Variants in TRIT1 observed in about 807,000 individuals in gnomAD.
The protein encoded by TRIT1 is tRNA isopentenyltransferase 1.
TRIT1 carries 43 observed loss-of-function variants against 51.2 expected under a neutral mutation model. The observed-to-expected ratio is 0.84, with a 90% CI of 0.66 to 1.08. The LOEUF is 1.08. TRIT1 is among the 50% of genes least tolerant of loss of function. TRIT1 has a pLI of 0.00. For missense variants in TRIT1, 528 were observed against 578.4 expected (o/e 0.91, Z 0.89); for synonymous variants, 184 against 203.9 (o/e 0.90, Z 0.83).
chr1:39,878,341 G>T (rs949694083), intron 1 of TRIT1, among the ~76,000 whole-genome samples: 1 of 152,172 alleles, frequency 6.6e-6, no homozygotes, highest in Non-Finnish European at 1.5e-5. Flanking sequence ...AAAGCTTAAA[G>T]TACTTATTCA....
rs1642476326 is a variant in TRIT1 at position 39,850,140 on chromosome 1, A to G, written c.682T>C (p.Trp228Arg). ...TTACCTGCCTGGTCAGCATGAAGCC[A>G]AAGGATGCAAGGGTTAGAGAACTTC... ...PLKFSNPCILWLHADQAVLDE... is the reference protein window; with the variant it reads ...PLKFSNPCILRLHADQAVLDE... Residue 228 changes from tryptophan (W) to arginine (R), a missense_variant, in exon 5 of 11, where the codon TGG becomes CGG. Trp to Arg is a moderately radical substitution (Grantham distance 101). Coordinates refer to ENST00000316891, the MANE Select transcript of TRIT1 (RefSeq NM_017646.6). 1.9e-6 allele frequency: 3 copies of G among 1,614,070 alleles called. No homozygotes were observed. The highest frequency in any genetic ancestry group is 1.3e-5 in the African/African-American group (1 of 74,936).
intron 2 of TRIT1, among the ~76,000 whole-genome samples, chr1:39,856,487 GA>G (rs61518870): frequency 0.6 from 65,503 of 108,732 alleles, 17,370 homozygotes; most frequent in East Asian, 0.66. Flanking sequence ...GTCTCTAGGA[GA>G]AAAAAAAAAA....
In TRIT1 at chr1:39,844,217, C is replaced by A. The variant is rs1166025855; in HGVS notation, c.1118G>T (p.Gly373Val). The A allele has an allele frequency of 6.2e-7, 1 of 1,611,374 alleles. No homozygotes were observed. Among genetic ancestry groups the A allele is most frequent in the Non-Finnish European group, 8.5e-7 (1 of 1,177,678 alleles). The change falls in exon 10 of 11, where the codon GGC becomes GTC. Residue 373 changes from glycine to valine, a missense_variant and splice_region_variant. Physicochemically the swap from Gly to Val is moderately radical, Grantham distance 109 (BLOSUM62 -3). Coordinates refer to ENST00000316891, the MANE Select transcript of TRIT1 (RefSeq NM_017646.6). ...ALEIVQSFIQ[G>V]HKPTATPIKM... is the part of the protein sequence containing the mutation. ...TATTGGAGTGGCTGTAGGCTTGTGGCCCTAAAAGAACAAGGGTGGAAGGGA... is the reference window on the plus strand; with the variant it reads ...TATTGGAGTGGCTGTAGGCTTGTGGACCTAAAAGAACAAGGGTGGAAGGGA...
chr1:39,869,754 C>T (rs1029026472), intron 1 of TRIT1, among the ~76,000 whole-genome samples: 6 of 151,898 alleles, frequency 4.0e-5, no homozygotes, highest in African/African-American at 1.2e-4. Flanking sequence ...TCTGCCCGAC[C>T]GCCACCCCAT....
At chr1:39,866,714 G>C (rs941811250) in intron 1 of TRIT1, among the ~76,000 whole-genome samples, 1 of 152,142 alleles carries the variant, frequency 6.6e-6, no homozygotes, top group Non-Finnish European at 1.5e-5. Context: ...GCTCACACCT[G>C]TAATCCCAAC....
chr1:39,868,701 G>A (rs561074116), intron 1 of TRIT1, among the ~76,000 whole-genome samples: 2 of 148,766 alleles, frequency 1.3e-5, no homozygotes, highest in Admixed American at 6.7e-5. Context: ...CCCCACTCCC[G>A]TGGGCAAAAG....
rs1222411250 is a variant in TRIT1, at chr1:39,852,870, C to G, written c.421G>C (p.Glu141Gln). Reference sequence around the variant, plus strand: ...TCAATCACTTTCTCAGTGCCCATCTCCTGGGGCTATTAAATGATGGTTTAG... The same window carrying G: ...TCAATCACTTTCTCAGTGCCCATCTGCTGGGGCTATTAAATGATGGTTTAG... ...WKVLVNTKPQEMGTEKVIDRK... is the reference protein window; with the variant it reads ...WKVLVNTKPQQMGTEKVIDRK... The change falls in exon 4 of 11, where the codon GAG (glutamate) becomes CAG (glutamine). Residue 141 changes from glutamate (E) to glutamine (Q), a missense_variant. Physicochemically the swap from Glu to Gln is conservative, Grantham distance 29. Coordinates refer to ENST00000316891, the MANE Select transcript of TRIT1 (RefSeq NM_017646.6). The G allele has an allele frequency of 6.2e-7, 1 of 1,614,006 alleles. No individual in the cohort carries two copies. The highest frequency in any genetic ancestry group is 8.5e-7 in the Non-Finnish European group (1 of 1,180,012).
intron 1 of TRIT1, among the ~76,000 whole-genome samples, chr1:39,869,378 T>C (rs922056604): frequency 6.6e-5 from 10 of 152,244 alleles, no homozygotes; most frequent in Admixed American, 3.3e-4. Context: ...GTGCCGGGAT[T>C]GCAGACGGAG....
At position 39,882,242 on chromosome 1, in the gene TRIT1, G is replaced by A. The variant is rs77742318; in HGVS notation, c.174+1076C>T. 4.7e-4 allele frequency among the ~76,000 whole-genome samples: 72 copies of A among 152,316 alleles called. No individual in the cohort carries two copies. The East Asian group carries it at 0.013, about 28-fold the overall frequency. On this transcript the variant is annotated intron_variant, in intron 1 of 10. Transcript: ENST00000316891. ...AAACAAATTATTTTTTGAATTATCC[G>A]ATCGTTTCATGTGTGCTGATGGTCT...
intron 1 of TRIT1, among the ~76,000 whole-genome samples, chr1:39,869,143 CTG>C (rs1276691190): frequency 6.6e-6 from 1 of 151,984 alleles, no homozygotes; most frequent in East Asian, 1.9e-4. Context: ...GGGTCTCCCT[CTG>C]ATGCAGACTG....
chr1:39,851,051 C>G (rs1439450114), intron 4 of TRIT1, among the ~76,000 whole-genome samples: 1 of 152,196 alleles, frequency 6.6e-6, no homozygotes, highest in Non-Finnish European at 1.5e-5. Flanking sequence ...TGCAACTTAT[C>G]AGCCTGAAAG....
chr1:39,870,087 A>C (rs1046129522), intron 1 of TRIT1, among the ~76,000 whole-genome samples: 1 of 152,246 alleles, frequency 6.6e-6, no homozygotes, highest in African/African-American at 2.4e-5. Context: ...AGTGTGGGGA[A>C]AGGAAAGAGA....
At chr1:39,844,061 C>T in intron 10 of TRIT1, 40 bp downstream of exon 10, 1 of 1,440,184 alleles carries the variant, frequency 6.9e-7, no homozygotes, top group Non-Finnish European at 9.8e-7. Context: ...AATGTGAACC[C>T]ACCCTTATAG....
At position 39,857,303 on chromosome 1, in the gene TRIT1, C is replaced by G; in HGVS notation, c.289G>C (p.Asp97His). 1 of 1,613,160 alleles carries G rather than the reference C, an allele frequency of 6.2e-7. No homozygotes were observed. ...DPLVTNYTVVDFRNRATALIE... is the reference protein window; with the variant it reads ...DPLVTNYTVVHFRNRATALIE... ...AGAGCAGTTGCTCTATTTCTGAAGTCCACCACTGTGTAATTGGTCACAAGA... is the reference window on the plus strand; with the variant it reads ...AGAGCAGTTGCTCTATTTCTGAAGTGCACCACTGTGTAATTGGTCACAAGA... The change falls in exon 2 of 11, where the codon GAC becomes CAC. Residue 97 changes from aspartate to histidine, a missense_variant. Around this residue, in one of 3 missense-constraint regions of TRIT1, gnomAD observed 468 missense variants for 522.6 expected, o/e 0.90. Coordinates refer to ENST00000316891, the MANE Select transcript of TRIT1 (RefSeq NM_017646.6).
At chr1:39,879,184 G>A (rs1230688707) in intron 1 of TRIT1, among the ~76,000 whole-genome samples, 2 of 151,678 alleles carry the variant, frequency 1.3e-5, no homozygotes, top group East Asian at 1.9e-4. Context: ...CAGGAGAATC[G>A]CTTGAACATG....
rs563170139 is a variant in TRIT1, at chr1:39,876,548, C to T, written c.174+6770G>A. On this transcript the variant is annotated intron_variant, in intron 1 of 10. Coordinates refer to ENST00000316891, the MANE Select transcript of TRIT1 (RefSeq NM_017646.6). ...TATGTGTATCTATCTATCTATCTATCTATCTATCTATATATATATATGAAT... is the reference window on the plus strand; with the variant it reads ...TATGTGTATCTATCTATCTATCTATTTATCTATCTATATATATATATGAAT... 7.4e-4 allele frequency among the ~76,000 whole-genome samples: 110 copies of T among 148,586 alleles called. 1 individual carries two copies. Among genetic ancestry groups the T allele is most frequent in the Non-Finnish European group, 5.2e-4 (34 of 65,892 alleles).
At chr1:39,842,043 T>A in intron 10 of TRIT1, 130 bp from the exon 11 acceptor site, 1 of 1,055,286 alleles carries the variant, frequency 9.5e-7, no homozygotes, top group Non-Finnish European at 1.3e-6. Context: ...TCAACACATG[T>A]ACTAGTATAG....
intron 5 of TRIT1, 103 bp downstream of exon 5, chr1:39,850,016 G>A (rs1300184687): frequency 1.7e-6 from 2 of 1,205,684 alleles, no homozygotes; most frequent in African/African-American, 1.5e-5. Flanking sequence ...TACTTGTTTA[G>A]TGTTTATTAT....
At position 39,841,654 on chromosome 1, in the gene TRIT1, G is replaced by T; in HGVS notation, c.*90C>A. The stretch of plus-strand genomic sequence containing the variant: ...TCTGCTATGCAGAGAATTCCGCATA[G>T]CACTCCTTTGCCCAGACTGGGAGAC... On this transcript the variant is annotated 3_prime_UTR_variant, in exon 11 of 11. Coordinates refer to ENST00000316891, the MANE Select transcript of TRIT1 (RefSeq NM_017646.6). The T allele has an allele frequency of 7.4e-7, 1 of 1,347,058 alleles. No homozygotes were observed. The highest frequency in any genetic ancestry group is 1.0e-6 in the Non-Finnish European group (1 of 991,998). The allele number at this position is 1,347,058 out of a possible 1,614,324, so 83.4% of individuals were successfully genotyped here. A position where few individuals can be genotyped will look rare whatever the true frequency, so the allele number is the denominator to read the frequency against.
Sources: gnomAD v4.1 joint callset for allele counts (sites outside exome capture counted in the v4.1 genomes callset) on GRCh38, gnomAD v4.1.1 for gene constraint, gnomAD v4.1.1 regional missense constraint, MANE v1.5 for transcripts, NCBI Gene and HGNC (gene_info 2026-07-23, HGNC 2026-07-21) for gene names.